WFDC10B: variants seen among roughly 807,000 people sequenced by gnomAD.
The protein encoded by WFDC10B is protein WFDC10B.
A neutral mutation model predicts 2.7 loss-of-function variants in WFDC10B; 1 was observed. The observed-to-expected ratio is 0.38, with a 90% CI of 0.13 to 1.79. WFDC10B has a LOEUF of 1.79. Among genes scored for constraint, WFDC10B ranks in the 40% most tolerant of loss-of-function variants. The pLI is 0.33. For missense variants in WFDC10B, 71 were observed against 87.8 expected (o/e 0.81, Z 0.76); for synonymous variants, 26 against 32.2 (o/e 0.81, Z 0.65).
intron 2 of WFDC10B, among the ~76,000 whole-genome samples, chr20:45,695,379 T>C (rs142400120): frequency 1.6e-4 from 25 of 152,252 alleles, no homozygotes; most frequent in African/African-American, 5.8e-4. Flanking sequence ...ATAGAACATG[T>C]AGACAGAAAA....
At chr20:45,704,170 G>A (rs561186472) in intron 2 of WFDC10B, among the ~76,000 whole-genome samples, 1 of 152,250 alleles carries the variant, frequency 6.6e-6, no homozygotes, top group South Asian at 2.1e-4. Flanking sequence ...TAGTCAATGG[G>A]GGCTTGGCAT....
At chr20:45,693,497 G>A (rs922164573) in intron 2 of WFDC10B, among the ~76,000 whole-genome samples, 21 of 152,310 alleles carry the variant, frequency 1.4e-4, no homozygotes, top group Admixed American at 3.9e-4. Flanking sequence ...GGAGCTTCCC[G>A]GCTGCTTTGT....
rs573675149 is a variant in WFDC10B at position 45,691,035 on chromosome 20, G to A, written c.-64-4979C>T. Among the ~76,000 whole-genome samples, 10 of 152,186 alleles carry A rather than the reference G, an allele frequency of 6.6e-5. No individual in the cohort carries two copies. In the South Asian group the frequency reaches 1.5e-3, roughly 22 times the overall value. ...TGTCCCAGAGGTTCTAGTATGTTGTGTCTTTGTTCTGATTGGTTTCAAAGA... is the reference window on the plus strand; with the variant it reads ...TGTCCCAGAGGTTCTAGTATGTTGTATCTTTGTTCTGATTGGTTTCAAAGA... On this transcript the variant is annotated intron_variant, in intron 2 of 3. Coordinates refer to ENST00000330523, the MANE Select transcript of WFDC10B (RefSeq NM_172006.2).
intron 2 of WFDC10B, among the ~76,000 whole-genome samples, chr20:45,690,242 T>C (rs8183250): frequency 0.12 from 16,503 of 132,398 alleles, 1,188 homozygotes; most frequent in East Asian, 0.22. Flanking sequence ...TTCGGTTTGC[T>C]AGTATTTTAT....
intron 2 of WFDC10B, among the ~76,000 whole-genome samples, chr20:45,702,650 T>G (rs1984213045): frequency 6.6e-6 from 1 of 152,158 alleles, no homozygotes; most frequent in Admixed American, 6.5e-5. Context: ...AACCTTGGCC[T>G]TGGAGGATGT....
At chr20:45,685,108 C>G (rs1983565160) in intron 3 of WFDC10B, 148 bp from the exon 4 acceptor site, 3 of 983,652 alleles carry the variant, frequency 3.0e-6, no homozygotes, top group Non-Finnish European at 4.4e-6. Context: ...TCCAGCCCAT[C>G]ACCAATCCTA....
At position 45,684,846 on chromosome 20, in the gene WFDC10B, C is replaced by T. The variant is rs1386891107; in HGVS notation, c.206G>A (p.Cys69Tyr). The T allele has an allele frequency of 6.2e-7, 1 of 1,613,782 alleles. No homozygotes were observed. Among genetic ancestry groups the T allele is most frequent in the Non-Finnish European group, 8.5e-7 (1 of 1,179,876 alleles). ...CTCTCCCACTCATAGGATGCTCATA[C>T]AAATGTTCCCACAGAAGGCTGAACA... ...ICCSAFCGNICMSIL is the reference protein window; with the variant it reads ...ICCSAFCGNIYMSIL The change falls in exon 4 of 4, where the codon TGT (cysteine) becomes TAT (tyrosine). Residue 69 changes from cysteine (C) to tyrosine (Y), a missense_variant. Cys to Tyr is a radical substitution (Grantham distance 194, BLOSUM62 -2). Transcript: ENST00000330523.
At chr20:45,698,561 C>T (rs6065867) in intron 2 of WFDC10B, among the ~76,000 whole-genome samples, 1 of 149,010 alleles carries the variant, frequency 6.7e-6, no homozygotes, top group Admixed American at 6.7e-5. Flanking sequence ...TTAAAGAACT[C>T]TTATGACTCA....
chr20:45,702,333 T>G, intron 2 of WFDC10B: 1 of 996,766 alleles, frequency 1.0e-6, no homozygotes, highest in Non-Finnish European at 1.5e-6. Context: ...GCCCAAGCTT[T>G]ATTGTTGGCA....
intron 2 of WFDC10B, among the ~76,000 whole-genome samples, chr20:45,690,940 T>C (rs763586198): frequency 9.9e-5 from 15 of 152,238 alleles, no homozygotes; most frequent in Non-Finnish European, 2.1e-4. Flanking sequence ...GGTGTCAATT[T>C]TGGATCTTTC....
chr20:45,694,462 G>A (rs1983921551), intron 2 of WFDC10B, among the ~76,000 whole-genome samples: 1 of 152,078 alleles, frequency 6.6e-6, no homozygotes, highest in Non-Finnish European at 1.5e-5. Context: ...CGATAAAAGG[G>A]TCAATTCATC....
At chr20:45,692,261 C>A (rs561326604) in intron 2 of WFDC10B, among the ~76,000 whole-genome samples, 5 of 152,042 alleles carry the variant, frequency 3.3e-5, no homozygotes, top group African/African-American at 1.2e-4. Flanking sequence ...CTCTGGCTGC[C>A]CTTAACATTT....
chr20:45,697,416 G>T (rs1172218834), intron 2 of WFDC10B, among the ~76,000 whole-genome samples: 1 of 131,312 alleles, frequency 7.6e-6, no homozygotes, highest in Non-Finnish European at 1.5e-5. Context: ...ACAGCGTCTG[G>T]CTCTGTCACC....
In WFDC10B at chr20:45,684,775, G is replaced by T. The variant is rs202131178; in HGVS notation, c.*55C>A. On this transcript the variant is annotated 3_prime_UTR_variant, in exon 4 of 4. Coordinates refer to ENST00000330523, the MANE Select transcript of WFDC10B (RefSeq NM_172006.2). ...TCCTTGTGCTTCGGATGTGGGCACA[G>T]TCTCGGATGGAAGGGTTCAGGGAGC... The T allele has an allele frequency of 3.5e-4, 556 of 1,597,038 alleles. 14 individuals are homozygous for T. The South Asian group carries it at 5.8e-3, about 17-fold the overall frequency.
chr20:45,685,203 C>A (rs1821800227), intron 3 of WFDC10B, among the ~76,000 whole-genome samples: 1 of 152,132 alleles, frequency 6.6e-6, no homozygotes, highest in Non-Finnish European at 1.5e-5. Context: ...TGGACTCTCG[C>A]CATACACCTG....
rs1276539981 is a variant in WFDC10B at position 45,693,326 on chromosome 20, C to G, written c.-64-7270G>C. ...AGTCTGCCCATTCTCAGATCTCCAG[C>G]TGCATGCTGGGAGAACCACTGCTCT... is the stretch of plus-strand genomic sequence containing the variant. On this transcript the variant is annotated intron_variant, in intron 2 of 3. Coordinates refer to ENST00000330523, the MANE Select transcript of WFDC10B (RefSeq NM_172006.2). 2.0e-5 allele frequency among the ~76,000 whole-genome samples: 3 copies of G among 152,224 alleles called. No homozygotes were observed. In the East Asian group the frequency reaches 5.8e-4, roughly 29 times the overall value.
At chr20:45,698,135 T>C (rs73620969) in intron 2 of WFDC10B, among the ~76,000 whole-genome samples, 1 of 152,240 alleles carries the variant, frequency 6.6e-6, no homozygotes, top group East Asian at 1.9e-4. Context: ...GTCTCCCATT[T>C]CCCCCATTTT....
At chr20:45,690,325 G>T (rs1291933668) in intron 2 of WFDC10B, among the ~76,000 whole-genome samples, 9 of 151,902 alleles carry the variant, frequency 5.9e-5, no homozygotes, top group Non-Finnish European at 1.2e-4. Flanking sequence ...TCTCTGCCCG[G>T]CTTTGGTATC....
In WFDC10B at chr20:45,693,957, A is replaced by G. The variant is rs1213535795; in HGVS notation, c.-64-7901T>C. On this transcript the variant is annotated intron_variant, in intron 2 of 3. Transcript: ENST00000330523. The stretch of plus-strand genomic sequence containing the variant: ...GGAGCTGTAGAACGGAGCTGTTCCT[A>G]TTCAGCCATCTTGGCTCCTCCTCCT... Among the ~76,000 whole-genome samples, 6 of 145,510 alleles carry G rather than the reference A, an allele frequency of 4.1e-5. No homozygotes were observed. The East Asian group carries it at 1.3e-3, about 32-fold the overall frequency.
Sources: gnomAD v4.1 joint callset for allele counts (sites outside exome capture counted in the v4.1 genomes callset) on GRCh38, gnomAD v4.1.1 for gene constraint, MANE v1.5 for transcripts, NCBI Gene and HGNC (gene_info 2026-07-23, HGNC 2026-07-21) for gene names.